Variants in HLCS observed in about 807,000 individuals in gnomAD.
HLCS encodes holocarboxylase synthetase, also known as biotin--protein ligase.
Under a neutral mutation model 75.0 loss-of-function variants are expected in HLCS, and 53 were observed. The ratio of observed to expected loss-of-function variants is 0.71; its 90% CI spans 0.57 to 0.89. The LOEUF is 0.89. Ranked by LOEUF, HLCS falls within the 40% of genes least tolerant of loss-of-function variation. HLCS has a pLI of 0.00. For synonymous variants in HLCS, 431 were observed against 428.6 expected (o/e 1.01, Z -0.07); for missense variants, 966 against 1,074.0 (o/e 0.90, Z 1.41).
intron 6 of HLCS, among the ~76,000 whole-genome samples, chr21:36,776,481 C>A (rs56347936): frequency 1.6e-3 from 239 of 152,016 alleles, no homozygotes; most frequent in African/African-American, 5.5e-3. Context: ...GTGGCACAAT[C>A]TAAGCTCACT....
At chr21:36,782,001 T>A (rs1005291475) in intron 6 of HLCS, among the ~76,000 whole-genome samples, 3 of 150,004 alleles carry the variant, frequency 2.0e-5, no homozygotes, top group South Asian at 2.1e-4. Context: ...TTAATTTTTT[T>A]AATATTAAAC....
chr21:36,792,660 C>T (rs545157500), intron 6 of HLCS, among the ~76,000 whole-genome samples: 1 of 152,284 alleles, frequency 6.6e-6, no homozygotes, highest in South Asian at 2.1e-4. Flanking sequence ...ACTGAAGTTA[C>T]TCATCCAGGG....
In HLCS at chr21:36,767,203, C is replaced by A. The variant is rs775396859; in HGVS notation, c.1960+15G>T. 1.9e-6 allele frequency: 3 copies of A among 1,613,508 alleles called. No homozygotes were observed. The highest frequency in any genetic ancestry group is 2.5e-6 in the Non-Finnish European group (3 of 1,179,430). ...AAAACAGAAGTAACAGCAATGATCA[C>A]AAAAGATGACTGACCTTTGCCCTCG... On this transcript the variant is annotated intron_variant, in intron 7 of 10. Transcript: ENST00000674895.
At chr21:36,960,139 C>T (rs1433312694) in intron 2 of HLCS, among the ~76,000 whole-genome samples, 4 of 112,168 alleles carry the variant, frequency 3.6e-5, no homozygotes, top group African/African-American at 6.8e-5. Context: ...CCACCCCCCC[C>T]CCCCCCGACC....
intron 2 of HLCS, among the ~76,000 whole-genome samples, chr21:36,949,384 C>A (rs1257147397): frequency 6.6e-6 from 1 of 152,220 alleles, no homozygotes; most frequent in African/African-American, 2.4e-5. Context: ...CCACGAAGAG[C>A]CACATGTCCT....
intron 2 of HLCS, 27 bp downstream of exon 2, chr21:36,962,009 T>C (rs1282021596): frequency 2.3e-6 from 3 of 1,280,554 alleles, no homozygotes; most frequent in African/African-American, 1.5e-5. Context: ...CAGTTCCTTA[T>C]GGGACACAAG....
intron 6 of HLCS, among the ~76,000 whole-genome samples, chr21:36,795,471 C>T (rs1378225791): frequency 2.6e-5 from 4 of 152,206 alleles, no homozygotes; most frequent in Non-Finnish European, 4.4e-5. Context: ...GACCAAGCTA[C>T]TGAAACAGAT....
intron 6 of HLCS, among the ~76,000 whole-genome samples, chr21:36,799,792 G>A (rs2061141901): frequency 6.6e-6 from 1 of 152,182 alleles, no homozygotes; most frequent in South Asian, 2.1e-4. Flanking sequence ...CCAAGGAGCC[G>A]AAAACTTGAC....
intron 6 of HLCS, among the ~76,000 whole-genome samples, chr21:36,769,459 C>G (rs1568982168): frequency 6.6e-6 from 1 of 152,182 alleles, no homozygotes; most frequent in Non-Finnish European, 1.5e-5. Flanking sequence ...AATGCATTTC[C>G]ATCCTTAGCG....
rs1377668996 is a variant in HLCS, at chr21:36,926,740, C to CT, written c.1620+3510_1620+3511insA. 7.5e-5 allele frequency among the ~76,000 whole-genome samples: 10 copies of CT among 133,510 alleles called. No homozygotes were observed. The South Asian group carries it at 2.2e-3, about 29-fold the overall frequency. 87.6% of individuals were successfully genotyped at this position (133,510 alleles called of 152,430 possible). On this transcript the variant is annotated intron_variant, in intron 5 of 10. Transcript: ENST00000674895. ...ACCAGATTTCCTTCCAGTCTTGTTT[C>CT]CTTTTTTTTTTTTTTTTTTTGAGAC...
chr21:36,882,847 A>G (rs2064289584), intron 6 of HLCS, among the ~76,000 whole-genome samples: 1 of 152,096 alleles, frequency 6.6e-6, no homozygotes, highest in Non-Finnish European at 1.5e-5. Flanking sequence ...ATTAGCATCA[A>G]GGTGACCTCT....
At chr21:36,926,404 AT>A (rs1339809574) in intron 5 of HLCS, among the ~76,000 whole-genome samples, 1 of 152,192 alleles carries the variant, frequency 6.6e-6, no homozygotes, top group Admixed American at 6.5e-5. Context: ...AATATGTCAA[AT>A]ATTAATATTA....
At chr21:36,915,497 C>A (rs1348073332) in intron 5 of HLCS, among the ~76,000 whole-genome samples, 1 of 152,134 alleles carries the variant, frequency 6.6e-6, no homozygotes, top group African/African-American at 2.4e-5. Flanking sequence ...GGGAATAACA[C>A]CTGGCCAGGC....
intron 2 of HLCS, among the ~76,000 whole-genome samples, chr21:36,941,387 AC>A (rs1035462762): frequency 7.9e-5 from 12 of 152,220 alleles, no homozygotes; most frequent in African/African-American, 2.9e-4. Flanking sequence ...TTTAAAAATT[AC>A]CCAGTCTTGG....
At chr21:36,855,888 G>A (rs1225657388) in intron 6 of HLCS, among the ~76,000 whole-genome samples, 1 of 152,102 alleles carries the variant, frequency 6.6e-6, no homozygotes, top group Non-Finnish European at 1.5e-5. Flanking sequence ...CAAAATATTT[G>A]TTATAAAAAG....
chr21:36,770,796 T>C (rs1329579619), intron 6 of HLCS, among the ~76,000 whole-genome samples: 3 of 152,152 alleles, frequency 2.0e-5, no homozygotes. Flanking sequence ...GGGTAACCTT[T>C]TGATTTAAAA....
chr21:36,802,875 G>A (rs975865262), intron 6 of HLCS, among the ~76,000 whole-genome samples: 4 of 152,210 alleles, frequency 2.6e-5, no homozygotes, highest in African/African-American at 7.2e-5. Context: ...AGTACAGGGA[G>A]TGTTTCAAAA....
chr21:36,917,681 T>C (rs2065989820), intron 5 of HLCS, among the ~76,000 whole-genome samples: 1 of 152,102 alleles, frequency 6.6e-6, no homozygotes, highest in Non-Finnish European at 1.5e-5. Flanking sequence ...TTAACAAAAT[T>C]TACTGGTTGT....
chr21:36,904,419 G>C (rs1434467624), intron 5 of HLCS, among the ~76,000 whole-genome samples: 3 of 152,182 alleles, frequency 2.0e-5, no homozygotes, highest in Non-Finnish European at 4.4e-5. Context: ...AAGGCATGCA[G>C]GTTTTTTTCT....
Sources: gnomAD v4.1 joint callset for allele counts (sites outside exome capture counted in the v4.1 genomes callset) on GRCh38, gnomAD v4.1.1 for gene constraint, MANE v1.5 for transcripts, NCBI Gene and HGNC (gene_info 2026-07-23, HGNC 2026-07-21) for gene names.